Variants in TCOF1 observed in about 807,000 individuals in gnomAD.
TCOF1 encodes treacle ribosome biogenesis factor 1.
Under a neutral mutation model 149.0 loss-of-function variants are expected in TCOF1, and 33 were observed. That is an observed-to-expected ratio of 0.22 (90% CI 0.17 to 0.30). TCOF1 has a LOEUF of 0.30. TCOF1 is among the 10% of genes least tolerant of loss of function. The pLI is 1.00. For synonymous variants in TCOF1, 789 were observed against 738.8 expected, an observed-to-expected ratio of 1.07 and a Z score of -1.10; for missense variants, 1,728 against 1,840.7, an observed-to-expected ratio of 0.94 and a Z score of 1.12.
chr5:150,383,984 C>T, intron 17 of TCOF1: 1 of 1,409,264 alleles, frequency 7.1e-7, no homozygotes, highest in South Asian at 1.6e-5. Flanking sequence ...ACCCTTTGTC[C>T]TCCTCTAGCC....
chr5:150,374,281 A>G lies in TCOF1; in HGVS notation c.978A>G (p.Val326=). 1 of 1,597,656 alleles carries G rather than the reference A, an allele frequency of 6.3e-7. No individual in the cohort carries two copies. Among genetic ancestry groups the G allele is most frequent in the Non-Finnish European group, 8.5e-7 (1 of 1,171,572 alleles). ...CACCCCCTGGGAAGGCAGGGGCTGT[A>G]GCCTCCCAGACCAAGGCAGGGAAGC... is the stretch of plus-strand genomic sequence containing the variant. ...TPAPPGKAGA[V]ASQTKAGKPE... The change falls in exon 8 of 27, where the codon GTA becomes GTG. Residue 326 remains valine (V), a synonymous_variant. Transcript: ENST00000643257.
Position 150,376,556 on chromosome 5 carries a change from A to G in TCOF1, c.2276A>G (p.Gln759Arg). The G allele has an allele frequency of 6.2e-7, 1 of 1,603,368 alleles. No individual in the cohort carries two copies. Among genetic ancestry groups the G allele is most frequent in the Non-Finnish European group, 8.5e-7 (1 of 1,174,630 alleles). The stretch of plus-strand genomic sequence containing the variant: ...GTCACCCAGGTGAAAGCTGAAAAGC[A>G]GGAAGACTCTGAGAGCAGTGAGGAG... ...PTVTQVKAEKQEDSESSEEES... is the reference protein window; with the variant it reads ...PTVTQVKAEKREDSESSEEES... The change falls in exon 14 of 27, where the codon CAG (glutamine) becomes CGG (arginine). Residue 759 changes from glutamine (Q) to arginine (R), a missense_variant. By Grantham distance (43) the Gln-to-Arg change is conservative. Around this residue, in one of 2 missense-constraint regions of TCOF1, gnomAD observed 1,696 missense variants for 1,765.4 expected, o/e 0.96. Coordinates refer to ENST00000643257, the MANE Select transcript of TCOF1 (RefSeq NM_001371623.1).
rs777627300 is a variant in TCOF1 at position 150,375,180 on chromosome 5, C to A, written c.1488+17C>A. 6.2e-7 allele frequency: 1 copy of A among 1,612,904 alleles called. No homozygotes were observed. The highest frequency in any genetic ancestry group is 2.2e-5 in the East Asian group (1 of 44,830). Reference sequence around the variant, plus strand: ...GCAGCTCAGGTGAGGCTGGAAGCCGCCCTGCATGGCCTGTGCCCTGCCTCA... The same window carrying A: ...GCAGCTCAGGTGAGGCTGGAAGCCGACCTGCATGGCCTGTGCCCTGCCTCA... On this transcript the variant is annotated intron_variant, in intron 10 of 26. Coordinates refer to ENST00000643257, the MANE Select transcript of TCOF1 (RefSeq NM_001371623.1).
chr5:150,374,391 G>A lies in TCOF1; in HGVS notation c.1083+5G>A. 1 of 1,552,506 alleles carries A rather than the reference G, an allele frequency of 6.4e-7. No individual in the cohort carries two copies. The highest frequency in any genetic ancestry group is 8.7e-7 in the Non-Finnish European group (1 of 1,147,776). ...GCTGCCAAGGCCCTGCTTCAGGTGA[G>A]GCCTGAGGAGGGAGACTCCATGCAG... is the stretch of plus-strand genomic sequence containing the variant. On this transcript the variant is annotated splice_donor_5th_base_variant and intron_variant, in intron 8 of 26. Transcript: ENST00000643257.
At position 150,368,897 on chromosome 5, in the gene TCOF1, A is replaced by G; in HGVS notation, c.560A>G (p.Lys187Arg). 3.1e-6 allele frequency: 5 copies of G among 1,613,636 alleles called. No homozygotes were observed. The highest frequency in any genetic ancestry group is 4.2e-6 in the Non-Finnish European group (5 of 1,180,008). The change falls in exon 5 of 27, where the codon AAG becomes AGG. Residue 187 changes from lysine to arginine, a missense_variant. Coordinates refer to ENST00000643257, the MANE Select transcript of TCOF1 (RefSeq NM_001371623.1). ...GSVPAFGAAA[K>R]PGMVSAGQAD... ...GTCCCGGCCTTTGGAGCTGCTGCCA[A>G]GCCTGGTAAGAAGTCCCCACCTCTA... is the stretch of plus-strand genomic sequence containing the variant.
rs1764630573 is a variant in TCOF1, at chr5:150,379,725, C to T, written c.2852C>T (p.Ser951Phe). ...GGGGAGGCACCGGCAGCTGTGACCTCTGCCCAGGTAAGACTTGCCAGGCCT... is the reference window on the plus strand; with the variant it reads ...GGGGAGGCACCGGCAGCTGTGACCTTTGCCCAGGTAAGACTTGCCAGGCCT... Reference protein sequence around the residue: ...SDGEAPAAVTSAQVIKPPLIF... With the variant: ...SDGEAPAAVTFAQVIKPPLIF... Residue 951 changes from serine (S) to phenylalanine (F), a missense_variant, in exon 17 of 27, where the codon TCT becomes TTT. Around this residue, in one of 2 missense-constraint regions of TCOF1, gnomAD observed 1,696 missense variants for 1,765.4 expected, o/e 0.96. Coordinates refer to ENST00000643257, the MANE Select transcript of TCOF1 (RefSeq NM_001371623.1). 1 of 1,613,890 alleles carries T rather than the reference C, an allele frequency of 6.2e-7. No homozygotes were observed. Among genetic ancestry groups the T allele is most frequent in the Non-Finnish European group, 8.5e-7 (1 of 1,179,984 alleles).
intron 24 of TCOF1, among the ~76,000 whole-genome samples, chr5:150,397,636 G>C (rs1244964054): frequency 6.6e-6 from 1 of 152,152 alleles, no homozygotes; most frequent in African/African-American, 2.4e-5. Context: ...CCTGGACGGT[G>C]GGTTGCCAGT....
chr5:150,369,426 A>C (rs944592639), intron 5 of TCOF1, 103 bp from the exon 6 acceptor site: 1 of 1,384,148 alleles, frequency 7.2e-7, no homozygotes, highest in African/African-American at 1.4e-5. Context: ...GTGAGCGCTC[A>C]GCACCTGGCT....
intron 13 of TCOF1, 39 bp downstream of exon 13, chr5:150,376,369 C>G (rs1264846689): frequency 6.2e-7 from 1 of 1,613,992 alleles, no homozygotes; most frequent in Non-Finnish European, 8.5e-7. Flanking sequence ...CAGGGCCGCC[C>G]CTACGTGGTC....
chr5:150,374,704 C>T lies in TCOF1; in HGVS notation c.1171C>T (p.Pro391Ser), dbSNP rs1219616561. 1 of 1,613,660 alleles carries T rather than the reference C, an allele frequency of 6.2e-7. No homozygotes were observed. The highest frequency in any genetic ancestry group is 2.2e-5 in the East Asian group (1 of 44,862). The change falls in exon 9 of 27, where the codon CCT becomes TCT. Residue 391 changes from proline to serine, a missense_variant. Around this residue, in one of 2 missense-constraint regions of TCOF1, gnomAD observed 1,696 missense variants for 1,765.4 expected, o/e 0.96. Transcript: ENST00000643257. ...CAGGAAAGGAGCTGCCCCAGCGCCC[C>T]CTGGGAAGACAGGGCCTGCAGTTGC... ...SPRKGAAPAP[P>S]GKTGPAVAKA... is the part of the protein sequence containing the mutation.
chr5:150,386,644 T>C (rs940930645), intron 17 of TCOF1, among the ~76,000 whole-genome samples: 1 of 152,206 alleles, frequency 6.6e-6, no homozygotes, highest in Non-Finnish European at 1.5e-5. Context: ...TCCACTCCTC[T>C]CTTAGCCTCA....
At chr5:150,374,918 C>T in intron 9 of TCOF1, 36 bp from the exon 10 acceptor site, 1 of 1,613,860 alleles carries the variant, frequency 6.2e-7, no homozygotes, top group South Asian at 1.1e-5. Flanking sequence ...CACGTCCACC[C>T]TCTGGGCTCT....
rs1305349926 is a variant in TCOF1 at position 150,379,052 on chromosome 5, G to C, written c.2478+10G>C. On this transcript the variant is annotated intron_variant, in intron 15 of 26. Transcript: ENST00000643257. ...GAGGTCTCCATCCAAGGCAAGTGGG[G>C]CCAGAAGCCACAGGAGGTGTGGAGG... is the stretch of plus-strand genomic sequence containing the variant. 4 of 1,613,768 alleles carry C rather than the reference G, an allele frequency of 2.5e-6. No homozygotes were observed. The highest frequency in any genetic ancestry group is 3.4e-6 in the Non-Finnish European group (4 of 1,179,918).
intron 3 of TCOF1, 39 bp downstream of exon 3, chr5:150,364,291 T>A (rs779645531): frequency 4.3e-6 from 7 of 1,613,320 alleles, no homozygotes; most frequent in Non-Finnish European, 5.9e-6. Flanking sequence ...CTATGGAATA[T>A]TGATTGTTCT....
Position 150,375,348 on chromosome 5 carries a change from T to C in TCOF1, c.1498T>C (p.Leu500=). The change falls in exon 11 of 27, where the codon TTG becomes CTG. Residue 500 remains leucine, a synonymous_variant. Coordinates refer to ENST00000643257, the MANE Select transcript of TCOF1 (RefSeq NM_001371623.1). ...AAMNAAQVKP[L]GKSPQVKPAS... is the part of the protein sequence containing the mutation. ...CCTTTGTGTCTCCCAGGTGAAGCCCTTGGGGAAAAGCCCCCAGGTGAAACC... is the reference window on the plus strand; with the variant it reads ...CCTTTGTGTCTCCCAGGTGAAGCCCCTGGGGAAAAGCCCCCAGGTGAAACC... 2 of 1,611,572 alleles carry C rather than the reference T, an allele frequency of 1.2e-6. No individual in the cohort carries two copies. Among genetic ancestry groups the C allele is most frequent in the Middle Eastern group, 2.2e-4 (1 of 4,600 alleles).
intron 17 of TCOF1, chr5:150,384,723 G>A: frequency 1.0e-6 from 1 of 985,490 alleles, no homozygotes; most frequent in South Asian, 4.7e-5. Flanking sequence ...CATTCCCCCA[G>A]GAGGATTCGG....
intron 6 of TCOF1, among the ~76,000 whole-genome samples, chr5:150,370,324 G>T (rs1163468596): frequency 4.6e-5 from 7 of 152,206 alleles, no homozygotes. Context: ...GGCATGTGCA[G>T]AGAAGGCGGC....
chr5:150,398,383 A>G lies in TCOF1; in HGVS notation c.4375A>G (p.Lys1459Glu). ...RKKDKEKKEK[K>E]KKAKKASTKD... is the part of the protein sequence containing the mutation. ...AAAAGACAAAGAAAAAAAAGAAAAG[A>G]AGAAGAAAGCAAAAAAGGCCTCAAC... is the stretch of plus-strand genomic sequence containing the variant. The change falls in exon 25 of 27, where the codon AAG (lysine) becomes GAG (glutamate). Residue 1459 changes from lysine (K) to glutamate (E), a missense_variant. Physicochemically the swap from Lys to Glu is moderately conservative, Grantham distance 56 (BLOSUM62 1). Coordinates refer to ENST00000643257, the MANE Select transcript of TCOF1 (RefSeq NM_001371623.1). 4.3e-6 allele frequency: 7 copies of G among 1,613,398 alleles called. No homozygotes were observed. The highest frequency in any genetic ancestry group is 5.9e-6 in the Non-Finnish European group (7 of 1,179,680).
At chr5:150,358,260 G>A (rs140438324) in intron 1 of TCOF1, among the ~76,000 whole-genome samples, 121 of 152,272 alleles carry the variant, frequency 7.9e-4, no homozygotes, top group African/African-American at 2.9e-3. Context: ...CAGCCCCTCG[G>A]GGGAGCGCCT....
Sources: gnomAD v4.1 joint callset for allele counts (sites outside exome capture counted in the v4.1 genomes callset) on GRCh38, gnomAD v4.1.1 for gene constraint, gnomAD v4.1.1 regional missense constraint, MANE v1.5 for transcripts, NCBI Gene and HGNC (gene_info 2026-07-23, HGNC 2026-07-21) for gene names.